The following SHC3 variants were observed in gnomAD, a reference collection of about 807,000 sequenced individuals.
SHC3 encodes the protein SHC-transforming protein 3.
SHC3 carries 15 observed loss-of-function variants against 60.4 expected under a neutral mutation model. The ratio of observed to expected loss-of-function variants is 0.25; its 90% CI spans 0.17 to 0.38. The LOEUF (loss-of-function observed/expected upper bound fraction) is 0.38. Among genes scored for constraint, SHC3 ranks in the 10% least tolerant of loss-of-function variants. The pLI is 1.00. For missense variants in SHC3, 677 were observed against 786.1 expected (o/e 0.86, Z 1.66); for synonymous variants, 294 against 325.9 (o/e 0.90, Z 1.05).
intron 3 of SHC3, among the ~76,000 whole-genome samples, chr9:89,077,069 C>T (rs113417983): frequency 0.059 from 8,939 of 151,706 alleles, 347 homozygotes; most frequent in Admixed American, 0.11. Context: ...CCCAGCTACT[C>T]GGGAGGCTGA....
At chr9:89,037,903 G>T in intron 11 of SHC3, 90 bp downstream of exon 11, 1 of 1,484,608 alleles carries the variant, frequency 6.7e-7, no homozygotes, top group Non-Finnish European at 9.1e-7. Context: ...ATAGAGGTGG[G>T]AATGTGGAGG....
chr9:89,145,062 C>T (rs985077864), intron 1 of SHC3, among the ~76,000 whole-genome samples: 1 of 152,120 alleles, frequency 6.6e-6, no homozygotes, highest in African/African-American at 2.4e-5. Flanking sequence ...ATGATGTTGG[C>T]AGTCTGCATG....
At chr9:89,173,565 G>T (rs904047491) in intron 1 of SHC3, among the ~76,000 whole-genome samples, 12 of 152,172 alleles carry the variant, frequency 7.9e-5, no homozygotes, top group African/African-American at 2.7e-4. Flanking sequence ...CTAGAAATAT[G>T]ACATTTCCTA....
intron 1 of SHC3, among the ~76,000 whole-genome samples, chr9:89,140,526 A>G (rs1245333482): frequency 6.6e-6 from 1 of 152,184 alleles, no homozygotes; most frequent in Non-Finnish European, 1.5e-5. Context: ...GTATTTCCCA[A>G]TAACTGCCAT....
intron 2 of SHC3, 123 bp downstream of exon 2, chr9:89,112,433 A>C (rs1316215579): frequency 1.0e-6 from 1 of 972,990 alleles, no homozygotes; most frequent in Non-Finnish European, 1.6e-6. Context: ...GTACTGACTC[A>C]CTGTCACCAG....
chr9:89,024,119 C>T (rs993697622), intron 11 of SHC3, among the ~76,000 whole-genome samples: 1 of 152,118 alleles, frequency 6.6e-6, no homozygotes, highest in African/African-American at 2.4e-5. Flanking sequence ...GTTCACTCAG[C>T]CCCCTCTCAT....
chr9:89,172,114 A>G (rs775551959), intron 1 of SHC3, among the ~76,000 whole-genome samples: 2 of 152,270 alleles, frequency 1.3e-5, no homozygotes, highest in Non-Finnish European at 2.9e-5. Context: ...GAAGATCAGC[A>G]TGGCCTGTAA....
chr9:89,066,275 T>C (rs1048630502), intron 5 of SHC3, among the ~76,000 whole-genome samples: 1 of 152,182 alleles, frequency 6.6e-6, no homozygotes, highest in Admixed American at 6.5e-5. Context: ...TGAGAACCAC[T>C]AGGCTAGAAG....
At chr9:89,126,518 G>A (rs1246706180) in intron 1 of SHC3, among the ~76,000 whole-genome samples, 1 of 152,146 alleles carries the variant, frequency 6.6e-6, no homozygotes, top group Non-Finnish European at 1.5e-5. Context: ...TCCCCAAAAG[G>A]GGAAACTTGA....
intron 11 of SHC3, among the ~76,000 whole-genome samples, chr9:89,026,637 G>A (rs1826309324): frequency 1.3e-5 from 2 of 152,188 alleles, no homozygotes; most frequent in African/African-American, 2.4e-5. Context: ...CTTAACTTTG[G>A]CTAAATAAAC....
At chr9:89,133,099 A>C (rs1455421138) in intron 1 of SHC3, among the ~76,000 whole-genome samples, 1 of 152,252 alleles carries the variant, frequency 6.6e-6, no homozygotes, top group Non-Finnish European at 1.5e-5. Context: ...AAGTGGGCAA[A>C]GGACATGAAC....
chr9:89,171,246 TG>T (rs771965356), intron 1 of SHC3, among the ~76,000 whole-genome samples: 100 of 146,072 alleles, frequency 6.8e-4, no homozygotes, highest in African/African-American at 2.2e-3. Context: ...TTTTTTTTTT[TG>T]AAAAAAACAG....
chr9:89,108,549 A>G (rs564775080), intron 2 of SHC3, among the ~76,000 whole-genome samples: 1 of 152,080 alleles, frequency 6.6e-6, no homozygotes, highest in South Asian at 2.1e-4. Context: ...ATACACACAC[A>G]CACACACACA....
chr9:89,019,813 G>A (rs1190534013), intron 11 of SHC3, among the ~76,000 whole-genome samples: 1 of 152,070 alleles, frequency 6.6e-6, no homozygotes, highest in Admixed American at 6.5e-5. Flanking sequence ...ATATTGTCAA[G>A]GTGTCAGTTC....
intron 11 of SHC3, among the ~76,000 whole-genome samples, chr9:89,033,939 A>G (rs1370401264): frequency 6.6e-6 from 1 of 152,148 alleles, no homozygotes; most frequent in South Asian, 2.1e-4. Context: ...CCATATGAGC[A>G]TATACAAGCA....
At chr9:89,074,691 C>CAAAAAAA (rs68051828) in intron 4 of SHC3, among the ~76,000 whole-genome samples, 811 of 59,814 alleles carry the variant, frequency 0.014, no homozygotes, top group East Asian at 0.017. Flanking sequence ...GCCACTAAAG[C>CAAAAAAA]AAAAAAAAAA....
At chr9:89,043,476 C>T (rs1289195471) in intron 9 of SHC3, among the ~76,000 whole-genome samples, 1 of 152,098 alleles carries the variant, frequency 6.6e-6, no homozygotes, top group African/African-American at 2.4e-5. Context: ...ATCAAGAGCC[C>T]AAATGCATAA....
At chr9:89,138,066 G>A (rs1464003298) in intron 1 of SHC3, among the ~76,000 whole-genome samples, 2 of 152,152 alleles carry the variant, frequency 1.3e-5, no homozygotes, top group South Asian at 2.1e-4. Context: ...GATGCTTCTC[G>A]CCTTGCCCTG....
chr9:89,084,416 T>C (rs987654131), intron 2 of SHC3, among the ~76,000 whole-genome samples: 38 of 152,216 alleles, frequency 2.5e-4, no homozygotes, highest in African/African-American at 8.4e-4. Context: ...TAAACCATGC[T>C]GAAAGAGATC....
Sources: allele counts gnomAD v4.1 joint callset (sites outside exome capture counted in the v4.1 genomes callset), GRCh38; gene constraint gnomAD v4.1.1; transcripts MANE v1.5; gene names NCBI Gene and HGNC (gene_info 2026-07-23, HGNC 2026-07-21).